The following IQCM variants were observed in gnomAD, a reference collection of about 807,000 sequenced individuals.
The protein encoded by IQCM is IQ domain-containing protein M.
Under a neutral mutation model 57.6 loss-of-function variants are expected in IQCM, and 45 were observed. That is an observed-to-expected ratio of 0.78 (90% CI 0.62 to 1.00). The LOEUF is 1.00. Ranked by LOEUF, IQCM falls within the 50% of genes least tolerant of loss-of-function variation. The probability of loss-of-function intolerance (pLI) is 0.00; values close to 1 mark genes in which losing one functional copy is unlikely to be tolerated. For missense variants in IQCM, 468 were observed against 511.6 expected (o/e 0.91, Z 0.82); for synonymous variants, 148 against 158.9 (o/e 0.93, Z 0.51).
intron 13 of IQCM, among the ~76,000 whole-genome samples, chr4:149,428,126 C>T (rs1734583118): frequency 6.6e-6 from 1 of 151,642 alleles, no homozygotes; most frequent in African/African-American, 2.4e-5. Context: ...CAGAACACTT[C>T]AAAGAATAGC....
At chr4:149,716,125 C>G (rs1304147593) in intron 5 of IQCM, among the ~76,000 whole-genome samples, 2 of 152,210 alleles carry the variant, frequency 1.3e-5, no homozygotes, top group African/African-American at 4.8e-5. Context: ...CTGCCTCCTG[C>G]TGCCATCAAC....
At chr4:149,379,011 G>T (rs760211276) in intron 13 of IQCM, among the ~76,000 whole-genome samples, 3 of 152,184 alleles carry the variant, frequency 2.0e-5, no homozygotes, top group Non-Finnish European at 4.4e-5. Flanking sequence ...TACAGCTTGG[G>T]CCATGGCTTC....
intron 2 of IQCM, among the ~76,000 whole-genome samples, chr4:149,809,689 T>G (rs1774383705): frequency 6.6e-6 from 1 of 152,180 alleles, no homozygotes; most frequent in Non-Finnish European, 1.5e-5. Context: ...CACATTAGGA[T>G]GTGCTCTGGT....
At chr4:149,598,777 T>C (rs1329492227) in intron 8 of IQCM, among the ~76,000 whole-genome samples, 1 of 152,228 alleles carries the variant, frequency 6.6e-6, no homozygotes, top group Admixed American at 6.5e-5. Context: ...ATGGAGACTC[T>C]CATAAACTGC....
At chr4:149,789,588 G>A (rs940998728) in intron 2 of IQCM, among the ~76,000 whole-genome samples, 3 of 152,200 alleles carry the variant, frequency 2.0e-5, no homozygotes, top group African/African-American at 7.2e-5. Context: ...GGAAGGCCAA[G>A]GTGGGTGTAT....
intron 12 of IQCM, among the ~76,000 whole-genome samples, chr4:149,488,880 T>C (rs922174385): frequency 1.3e-5 from 2 of 152,140 alleles, no homozygotes; most frequent in Admixed American, 6.6e-5. Context: ...AAAATGTGAG[T>C]AGCCTTTTAT....
chr4:149,762,399 A>C (rs1769612699), intron 2 of IQCM, among the ~76,000 whole-genome samples: 1 of 151,868 alleles, frequency 6.6e-6, no homozygotes, highest in South Asian at 2.1e-4. Context: ...GAATCTTTAA[A>C]ATTGTATCTA....
chr4:149,548,463 A>G lies in IQCM; in HGVS notation c.1220T>C (p.Val407Ala). 8.1e-7 allele frequency: 1 copy of G among 1,231,976 alleles called. No individual in the cohort carries two copies. Among genetic ancestry groups the G allele is most frequent in the Non-Finnish European group, 1.0e-6 (1 of 987,856 alleles). 76.3% of individuals were successfully genotyped at this position (1,231,976 alleles called of 1,614,324 possible). ...QKQVDDTWDL[V>A]HQDGKEKYSE... ...AATGAGAAACTACTCACCTTGATGG[A>G]CCAGGTCCCAAGTATCATCAACTTG... Residue 407 changes from valine (V) to alanine (A), a missense_variant, in exon 12 of 14, where the codon GTC (valine) becomes GCC (alanine). By Grantham distance (64) the Val-to-Ala change is moderately conservative. Transcript: ENST00000636793.
rs182604131 is a variant in IQCM, at chr4:149,361,116, C to T, written c.1391-9050G>A. On this transcript the variant is annotated intron_variant, in intron 13 of 13. Transcript: ENST00000636793. ...TAGCAAAGAGACTGGCGGCATTTTG[C>T]CCCTGCCCTAGAGATCTGCAGAACT... Among the ~76,000 whole-genome samples the T allele has an allele frequency of 2.6e-3, 401 of 152,248 alleles. 4 individuals are homozygous for T. The highest frequency in any genetic ancestry group is 9.2e-3 in the African/African-American group (383 of 41,536).
At chr4:149,760,822 C>T (rs924165978) in intron 2 of IQCM, among the ~76,000 whole-genome samples, 1 of 151,972 alleles carries the variant, frequency 6.6e-6, no homozygotes, top group Non-Finnish European at 1.5e-5. Flanking sequence ...TTAGTATTTA[C>T]TCAAAGAGTT....
At chr4:149,778,274 G>C (rs1469664557) in intron 2 of IQCM, among the ~76,000 whole-genome samples, 1 of 152,146 alleles carries the variant, frequency 6.6e-6, no homozygotes, top group East Asian at 1.9e-4. Flanking sequence ...TACTCAGGAG[G>C]CTGAGGCAGG....
chr4:149,681,635 C>T (rs552708817), intron 7 of IQCM, among the ~76,000 whole-genome samples: 9 of 151,156 alleles, frequency 6.0e-5, no homozygotes, highest in Admixed American at 5.3e-4. Context: ...AAGAGTTTTA[C>T]CTTAATGACA....
intron 2 of IQCM, among the ~76,000 whole-genome samples, chr4:149,797,152 T>A (rs1773185211): frequency 6.6e-6 from 1 of 151,970 alleles, no homozygotes; most frequent in South Asian, 2.1e-4. Context: ...TAGAGGAAAC[T>A]CAAAGAAATT....
intron 12 of IQCM, among the ~76,000 whole-genome samples, chr4:149,462,303 T>G (rs986349065): frequency 2.6e-5 from 4 of 152,166 alleles, no homozygotes; most frequent in Non-Finnish European, 4.4e-5. Flanking sequence ...GGGGCTTTTT[T>G]GGGGATAGAC....
At chr4:149,666,398 G>A (rs4835591) in intron 7 of IQCM, among the ~76,000 whole-genome samples, 22,507 of 152,098 alleles carry the variant, frequency 0.15, 2,081 homozygotes, top group South Asian at 0.33. Flanking sequence ...ATCTGGCCCA[G>A]ATACTACGCT....
intron 8 of IQCM, among the ~76,000 whole-genome samples, chr4:149,606,550 C>T (rs139359542): frequency 1.3e-5 from 2 of 152,176 alleles, no homozygotes; most frequent in African/African-American, 2.4e-5. Context: ...CATGACCTCA[C>T]CAAATTGACA....
At chr4:149,358,852 C>A (rs1729225642) in intron 13 of IQCM, among the ~76,000 whole-genome samples, 1 of 151,890 alleles carries the variant, frequency 6.6e-6, no homozygotes, top group Non-Finnish European at 1.5e-5. Flanking sequence ...GACAGTATAT[C>A]ATGATATACT....
At chr4:149,495,629 A>T (rs1742574764) in intron 12 of IQCM, among the ~76,000 whole-genome samples, 1 of 152,140 alleles carries the variant, frequency 6.6e-6, no homozygotes, top group African/African-American at 2.4e-5. Context: ...TGGGATGGCG[A>T]AAAAGCTACT....
At chr4:149,746,319 C>A (rs773913791) in intron 2 of IQCM, among the ~76,000 whole-genome samples, 14 of 152,130 alleles carry the variant, frequency 9.2e-5, no homozygotes, top group Non-Finnish European at 1.9e-4. Context: ...TCTACCACAT[C>A]CAATTCATCA....
Sources: gnomAD v4.1 joint callset for allele counts (sites outside exome capture counted in the v4.1 genomes callset) on GRCh38, gnomAD v4.1.1 for gene constraint, MANE v1.5 for transcripts, NCBI Gene and HGNC (gene_info 2026-07-23, HGNC 2026-07-21) for gene names.